The following HS3ST5 variants were observed in gnomAD, a reference collection of about 807,000 sequenced individuals.
HS3ST5 encodes the protein heparan sulfate glucosamine 3-O-sulfotransferase 5.
HS3ST5 carries 10 observed loss-of-function variants against 25.4 expected under a neutral mutation model. The ratio of observed to expected loss-of-function variants is 0.39; its 90% CI spans 0.24 to 0.67. The LOEUF (loss-of-function observed/expected upper bound fraction) is 0.67, where lower values mean the gene tolerates loss of function less well. Ranked by LOEUF, HS3ST5 falls within the 30% of genes least tolerant of loss-of-function variation. The probability of loss-of-function intolerance (pLI) is 0.44; values close to 1 mark genes in which losing one functional copy is unlikely to be tolerated. For missense variants in HS3ST5, 324 were observed against 420.7 expected, an observed-to-expected ratio of 0.77 and a Z score of 2.01; for synonymous variants, 170 against 162.4, an observed-to-expected ratio of 1.05 and a Z score of -0.36.
chr6:114,285,307 G>A (rs1185313136), intron 1 of HS3ST5, among the ~76,000 whole-genome samples: 1 of 152,016 alleles, frequency 6.6e-6, no homozygotes, highest in Non-Finnish European at 1.5e-5. Flanking sequence ...GAGGGTGGGA[G>A]GAGGGAGAGG....
intron 1 of HS3ST5, among the ~76,000 whole-genome samples, chr6:114,330,622 C>T (rs184299716): frequency 3.9e-5 from 6 of 152,302 alleles, no homozygotes; most frequent in East Asian, 3.9e-4. Context: ...CCCAGCTCCA[C>T]GCTCACAGAG....
intron 3 of HS3ST5, among the ~76,000 whole-genome samples, chr6:114,158,211 T>C (rs1778788204): frequency 6.6e-6 from 1 of 152,188 alleles, no homozygotes; most frequent in African/African-American, 2.4e-5. Context: ...GTGTCTTACA[T>C]AGTGCATAGC....
chr6:114,127,996 A>G (rs1733556723), intron 3 of HS3ST5, among the ~76,000 whole-genome samples: 1 of 151,638 alleles, frequency 6.6e-6, no homozygotes, highest in Non-Finnish European at 1.5e-5. Context: ...CCTCTAATAC[A>G]ACCATACAGC....
At chr6:114,294,976 TTAA>T (rs1287219273) in intron 1 of HS3ST5, among the ~76,000 whole-genome samples, 2 of 152,214 alleles carry the variant, frequency 1.3e-5, no homozygotes, top group African/African-American at 2.4e-5. Context: ...CTTAATATCA[TTAA>T]TATTATTACA....
chr6:114,137,587 AGTT>A (rs1777690909), intron 3 of HS3ST5, among the ~76,000 whole-genome samples: 1 of 152,190 alleles, frequency 6.6e-6, no homozygotes. Context: ...TCCATTCAAA[AGTT>A]GTCAAGTTGT....
intron 1 of HS3ST5, chr6:114,252,013 T>C (rs1048019101): frequency 3.9e-5 from 6 of 152,174 alleles, no homozygotes; most frequent in African/African-American, 1.4e-4. Flanking sequence ...TCACACACAG[T>C]GGGTAGCTCA....
intron 1 of HS3ST5, among the ~76,000 whole-genome samples, chr6:114,275,412 C>G (rs558617782): frequency 6.6e-6 from 1 of 152,092 alleles, no homozygotes; most frequent in South Asian, 2.1e-4. Context: ...ACATTAACAC[C>G]TTCTTGTATA....
At chr6:114,080,589 G>C (rs1582576092) in intron 3 of HS3ST5, among the ~76,000 whole-genome samples, 1 of 152,200 alleles carries the variant, frequency 6.6e-6, no homozygotes, top group African/African-American at 2.4e-5. Context: ...ATACACTATG[G>C]AATAGTATGC....
At chr6:114,294,280 G>A (rs1319271763) in intron 1 of HS3ST5, among the ~76,000 whole-genome samples, 2 of 152,160 alleles carry the variant, frequency 1.3e-5, no homozygotes, top group African/African-American at 4.8e-5. Context: ...TTTACTAGAT[G>A]ATGAACTTTT....
chr6:114,182,076 A>G (rs1779999237), intron 2 of HS3ST5, among the ~76,000 whole-genome samples: 1 of 152,206 alleles, frequency 6.6e-6, no homozygotes, highest in South Asian at 2.1e-4. Context: ...GCCACTATTT[A>G]AAACAGATTG....
intron 1 of HS3ST5, among the ~76,000 whole-genome samples, chr6:114,247,269 G>A (rs1032121028): frequency 2.0e-5 from 3 of 152,154 alleles, no homozygotes; most frequent in Admixed American, 1.3e-4. Context: ...CTCAGTAATT[G>A]TGTAGAGGTG....
chr6:114,334,175 G>A (rs1409919701), intron 1 of HS3ST5, among the ~76,000 whole-genome samples: 1 of 152,188 alleles, frequency 6.6e-6, no homozygotes, highest in East Asian at 1.9e-4. Flanking sequence ...ACTCAAGTCA[G>A]GTGAGCAAGA....
intron 2 of HS3ST5, among the ~76,000 whole-genome samples, chr6:114,196,877 G>GA (rs11421025): frequency 1 from 150,664 of 151,040 alleles, 75,147 homozygotes; most frequent in Middle Eastern, 1. Context: ...TTTGTAAATG[G>GA]AAAAAAAAAT....
At chr6:114,115,068 T>G (rs938832341) in intron 3 of HS3ST5, among the ~76,000 whole-genome samples, 3 of 152,158 alleles carry the variant, frequency 2.0e-5, no homozygotes, top group East Asian at 3.9e-4. Context: ...TAATTCCCAG[T>G]TGGCAAATTA....
chr6:114,063,186 G>A (rs1773235305), intron 3 of HS3ST5, among the ~76,000 whole-genome samples: 2 of 152,196 alleles, frequency 1.3e-5, no homozygotes, highest in African/African-American at 4.8e-5. Context: ...GTGTGTGTGT[G>A]TGTATATATA....
At chr6:114,106,721 A>G (rs1364802525) in intron 3 of HS3ST5, among the ~76,000 whole-genome samples, 1 of 152,122 alleles carries the variant, frequency 6.6e-6, no homozygotes, top group Non-Finnish European at 1.5e-5. Context: ...CAAGGTAATT[A>G]TGAAATGCAA....
chr6:114,096,265 A>G (rs544222730), intron 3 of HS3ST5, among the ~76,000 whole-genome samples: 1 of 152,144 alleles, frequency 6.6e-6, no homozygotes, highest in African/African-American at 2.4e-5. Flanking sequence ...AAAAGTTCCA[A>G]ACATGTTAGA....
intron 3 of HS3ST5, among the ~76,000 whole-genome samples, chr6:114,127,620 A>G (rs1373862762): frequency 1.3e-5 from 2 of 152,176 alleles, no homozygotes; most frequent in African/African-American, 4.8e-5. Context: ...CCACAGATAC[A>G]AGCCATAAAA....
At chr6:114,100,816 T>G (rs1390953212) in intron 3 of HS3ST5, among the ~76,000 whole-genome samples, 2 of 152,204 alleles carry the variant, frequency 1.3e-5, no homozygotes, top group Non-Finnish European at 2.9e-5. Flanking sequence ...CTTCAAAAGC[T>G]GACACTATGC....
Sources: gnomAD v4.1 joint callset for allele counts (sites outside exome capture counted in the v4.1 genomes callset) on GRCh38, gnomAD v4.1.1 for gene constraint, MANE v1.5 for transcripts, NCBI Gene and HGNC (gene_info 2026-07-23, HGNC 2026-07-21) for gene names.